The following SRD5A2 variants were observed in gnomAD, a reference collection of about 807,000 sequenced individuals.
The protein encoded by SRD5A2 is steroid 5 alpha-reductase 2.
Under a neutral mutation model 27.4 loss-of-function variants are expected in SRD5A2, and 30 were observed. That is an observed-to-expected ratio of 1.10 (90% confidence interval 0.82 to 1.49). The LOEUF is 1.49. Ranked by LOEUF, SRD5A2 falls within the 40% of genes most tolerant of loss-of-function variation. The pLI is 0.00. For missense variants in SRD5A2, 348 were observed against 323.4 expected (o/e 1.08, Z -0.58); for synonymous variants, 141 against 133.6 (o/e 1.06, Z -0.38).
At chr2:31,624,081 T>C in the SRD5A2 span, among the ~76,000 whole-genome samples, 1 of 152,070 alleles carries the variant, frequency 6.6e-6, no homozygotes, top group Admixed American at 6.6e-5. Context: ...TGTTGCTGTT[T>C]TTGTTTTTAA....
Position 31,524,737 on chromosome 2 carries a change from T to C in SRD5A2, c.*1459A>G, listed in dbSNP as rs2148059273. On this transcript the variant is annotated 3_prime_UTR_variant, in exon 5 of 5. Coordinates refer to ENST00000622030, the MANE Select transcript of SRD5A2 (RefSeq NM_000348.4). The stretch of plus-strand genomic sequence containing the variant: ...TGTGCTTAGTACCACTGGTGCTCAT[T>C]TGTCAAAACAGTTTGCTAAATATTG... The C allele has an allele frequency of 4.3e-6, 1 of 230,518 alleles. No individual in the cohort carries two copies. The highest frequency in any genetic ancestry group is 6.2e-5 in the East Asian group (1 of 16,218). 14.3% of individuals were successfully genotyped at this position (230,518 alleles called of 1,614,324 possible).
chr2:31,646,067 T>C, the SRD5A2 span, among the ~76,000 whole-genome samples: 2 of 152,074 alleles, frequency 1.3e-5, no homozygotes, highest in South Asian at 2.1e-4. Flanking sequence ...TTAATGATAA[T>C]TAGAATGTAT....
At chr2:31,614,873 G>A in the SRD5A2 span, among the ~76,000 whole-genome samples, 2 of 152,178 alleles carry the variant, frequency 1.3e-5, no homozygotes, top group South Asian at 2.1e-4. Context: ...CCCATGTGTT[G>A]TGGGAGGGAC....
chr2:31,660,601 C>T, the SRD5A2 span, among the ~76,000 whole-genome samples: 4 of 151,364 alleles, frequency 2.6e-5, no homozygotes, highest in Admixed American at 1.3e-4. Flanking sequence ...ATGTTGATAA[C>T]GGGGGACACT....
At chr2:31,598,626 T>C in the SRD5A2 span, among the ~76,000 whole-genome samples, 558 of 151,956 alleles carry the variant, frequency 3.7e-3, 4 homozygotes, top group African/African-American at 0.013. Flanking sequence ...TCTGGTAGTA[T>C]TTGCAAGCCT....
intron 1 of SRD5A2, among the ~76,000 whole-genome samples, chr2:31,554,836 G>A (rs1005292088): frequency 5.3e-5 from 8 of 151,690 alleles, no homozygotes; most frequent in South Asian, 2.1e-4. Flanking sequence ...ATGGTTCTTC[G>A]GTATCAATCA....
the SRD5A2 span, among the ~76,000 whole-genome samples, chr2:31,653,983 C>G: frequency 6.6e-6 from 1 of 151,578 alleles, no homozygotes; most frequent in South Asian, 2.1e-4. Context: ...AACTAGGAGA[C>G]AGATAACATT....
At position 31,523,109 on chromosome 2, in the gene SRD5A2, T is replaced by C. The variant is rs151285074; in HGVS notation, c.*3087A>G. 4.6e-6 allele frequency: 1 copy of C among 217,394 alleles called. No homozygotes were observed. Among genetic ancestry groups the C allele is most frequent in the African/African-American group, 2.2e-5 (1 of 44,544 alleles). The allele number at this position is 217,394 out of a possible 1,614,324, so 13.5% of individuals were successfully genotyped here. ...GAGCCACTGTTGTTCTTTATGAAAG[T>C]AAGCATTAGGGATAAGGGGGTTTAT... On this transcript the variant is annotated 3_prime_UTR_variant, in exon 5 of 5. Coordinates refer to ENST00000622030, the MANE Select transcript of SRD5A2 (RefSeq NM_000348.4).
Position 31,531,401 on chromosome 2 carries a change from G to T in SRD5A2, c.517C>A (p.Pro173Thr). 1 of 1,594,136 alleles carries T rather than the reference G, an allele frequency of 6.3e-7. No individual in the cohort carries two copies. The change falls in exon 3 of 5, where the codon CCT (proline) becomes ACT (threonine). Residue 173 changes from proline to threonine, a missense_variant. Pro to Thr is a conservative substitution (Grantham distance 38, BLOSUM62 -1). Coordinates refer to ENST00000622030, the MANE Select transcript of SRD5A2 (RefSeq NM_000348.4). ...SDYILRQLRK[P>T]GEISYRIPQG... is the part of the protein sequence containing the mutation. ...GGAATCCTGTAGCTGATTTCTCCAG[G>T]CTTCCTGAGCTGGCGCAATATATAG...
chr2:31,620,670 C>T, the SRD5A2 span, among the ~76,000 whole-genome samples: 14 of 151,574 alleles, frequency 9.2e-5, no homozygotes, highest in Non-Finnish European at 2.9e-5. Context: ...GTATAATTGG[C>T]CTTTGTATTA....
rs930862679 is a variant in SRD5A2 at position 31,540,769 on chromosome 2, C to A, written c.282-7003G>T. On this transcript the variant is annotated intron_variant, in intron 1 of 4. Transcript: ENST00000622030. ...ACAGTAACAGCTACCCATTTCCTAT[C>A]CCCACCCCTGTGGCAGGCAGCTGTG... is the stretch of plus-strand genomic sequence containing the variant. Among the ~76,000 whole-genome samples the A allele has an allele frequency of 2.6e-5, 4 of 152,332 alleles. No homozygotes were observed. The South Asian group carries it at 6.2e-4, about 24-fold the overall frequency.
the SRD5A2 span, among the ~76,000 whole-genome samples, chr2:31,615,191 A>T: frequency 2.6e-5 from 4 of 152,320 alleles, no homozygotes; most frequent in Admixed American, 1.3e-4. Context: ...GTAATGGTAG[A>T]GTGGGGTGCT....
chr2:31,607,920 C>T, the SRD5A2 span, among the ~76,000 whole-genome samples: 44 of 151,826 alleles, frequency 2.9e-4, no homozygotes, highest in Non-Finnish European at 5.9e-4. Context: ...GCATTAGTGC[C>T]CTTGTAAGAA....
At chr2:31,540,269 CAT>C (rs1666103813) in intron 1 of SRD5A2, among the ~76,000 whole-genome samples, 3 of 151,692 alleles carry the variant, frequency 2.0e-5, no homozygotes, top group Non-Finnish European at 2.9e-5. Flanking sequence ...AAAGAAAACA[CAT>C]AGAAAAACAG....
upstream of SRD5A2, among the ~76,000 whole-genome samples, chr2:31,582,087 C>G (rs141562541): frequency 1.3e-5 from 2 of 152,280 alleles, no homozygotes; most frequent in East Asian, 3.9e-4. Flanking sequence ...ATTCTTTCAT[C>G]TTCCTGTCCC....
chr2:31,535,398 A>T (rs1254297894), intron 1 of SRD5A2, among the ~76,000 whole-genome samples: 3 of 152,192 alleles, frequency 2.0e-5, no homozygotes, highest in African/African-American at 7.2e-5. Context: ...GCAGTTCCAC[A>T]TCTTTCCTCT....
chr2:31,643,730 C>T, the SRD5A2 span, among the ~76,000 whole-genome samples: 2 of 152,086 alleles, frequency 1.3e-5, no homozygotes, highest in African/African-American at 4.8e-5. Context: ...AAGAGTCTAC[C>T]GCAGGTTAAA....
At chr2:31,607,691 G>A in the SRD5A2 span, among the ~76,000 whole-genome samples, 2 of 152,038 alleles carry the variant, frequency 1.3e-5, no homozygotes, top group Non-Finnish European at 2.9e-5. Flanking sequence ...AAAAATTGCA[G>A]AGCATCAGAA....
the SRD5A2 span, among the ~76,000 whole-genome samples, chr2:31,603,963 A>T: frequency 4.0e-5 from 6 of 151,892 alleles, no homozygotes; most frequent in Non-Finnish European, 8.8e-5. Context: ...TACCTAGGTG[A>T]TGGGATGATC....
Sources: allele counts gnomAD v4.1 joint callset (sites outside exome capture counted in the v4.1 genomes callset), GRCh38; gene constraint gnomAD v4.1.1; transcripts MANE v1.5; gene names NCBI Gene and HGNC (gene_info 2026-07-23, HGNC 2026-07-21).